Variants in CCND3 observed in about 807,000 individuals in gnomAD.
CCND3 encodes cyclin D3.
A neutral mutation model predicts 28.7 loss-of-function variants in CCND3; 9 were observed. The ratio of observed to expected loss-of-function variants is 0.31; its 90% CI spans 0.19 to 0.55. The LOEUF (loss-of-function observed/expected upper bound fraction) is 0.55. Ranked by LOEUF, CCND3 falls within the 20% of genes least tolerant of loss-of-function variation. CCND3 has a pLI of 0.93. For missense variants in CCND3, 315 were observed against 385.8 expected, an observed-to-expected ratio of 0.82 and a Z score of 1.54; for synonymous variants, 164 against 163.9, an observed-to-expected ratio of 1.00 and a Z score of 0.00.
intron 1 of CCND3, among the ~76,000 whole-genome samples, chr6:42,029,237 C>T (rs181492384): frequency 1.3e-5 from 2 of 152,072 alleles, no homozygotes; most frequent in South Asian, 4.2e-4. Context: ...GAGATCCTCC[C>T]GCCTTTGCCT....
intron 2 of CCND3, chr6:41,937,639 C>T (rs895647525): frequency 1.8e-6 from 1 of 552,306 alleles, no homozygotes; most frequent in African/African-American, 1.9e-5. Context: ...CATGGATTAT[C>T]CCTTTTAATC....
intron 1 of CCND3, among the ~76,000 whole-genome samples, chr6:42,002,005 G>A (rs1763025008): frequency 6.6e-6 from 1 of 151,364 alleles, no homozygotes; most frequent in Non-Finnish European, 1.5e-5. Context: ...ATTCCAGCTA[G>A]TTGGGAGGCT....
intron 1 of CCND3, among the ~76,000 whole-genome samples, chr6:42,042,493 C>T (rs1167786637): frequency 1.3e-5 from 2 of 152,088 alleles, no homozygotes; most frequent in East Asian, 1.9e-4. Flanking sequence ...CCCGAGTAGC[C>T]GGGATTACAG....
intron 1 of CCND3, among the ~76,000 whole-genome samples, chr6:41,993,733 G>A (rs1331170968): frequency 5.3e-5 from 8 of 151,570 alleles, no homozygotes; most frequent in Non-Finnish European, 1.0e-4. Flanking sequence ...GACCAGCCTG[G>A]CCAACATACT....
intron 1 of CCND3, among the ~76,000 whole-genome samples, chr6:42,040,279 A>C (rs1764331557): frequency 6.6e-6 from 1 of 152,070 alleles, no homozygotes; most frequent in African/African-American, 2.4e-5. Context: ...TTAGCTGGGC[A>C]TGGTGGTGGG....
intron 1 of CCND3, among the ~76,000 whole-genome samples, chr6:41,972,089 G>T (rs371088596): frequency 6.6e-6 from 1 of 150,792 alleles, no homozygotes; most frequent in Middle Eastern, 3.2e-3. Flanking sequence ...TTAGCTGGGC[G>T]TGGTGGCGGG....
At chr6:41,968,505 T>C (rs1035012816) in intron 1 of CCND3, among the ~76,000 whole-genome samples, 12 of 152,024 alleles carry the variant, frequency 7.9e-5, no homozygotes, top group Non-Finnish European at 1.5e-4. Context: ...GGCAGGAGGA[T>C]TGTTGAGCCC....
intron 1 of CCND3, among the ~76,000 whole-genome samples, chr6:42,005,754 G>T (rs978535321): frequency 6.6e-6 from 1 of 151,784 alleles, no homozygotes; most frequent in African/African-American, 2.4e-5. Flanking sequence ...CGCAATCTCA[G>T]CTCACTGCAA....
chr6:41,962,717 C>T (rs1222522055), intron 1 of CCND3, among the ~76,000 whole-genome samples: 7 of 152,072 alleles, frequency 4.6e-5, no homozygotes, highest in Non-Finnish European at 8.8e-5. Flanking sequence ...CTACTGCCCG[C>T]CAGCCTGCGT....
intron 1 of CCND3, among the ~76,000 whole-genome samples, chr6:42,029,577 C>A (rs1401509266): frequency 2.0e-5 from 3 of 152,042 alleles, no homozygotes; most frequent in Admixed American, 2.0e-4. Flanking sequence ...GTGGTTCATG[C>A]CTGTAATCCC....
intron 1 of CCND3, among the ~76,000 whole-genome samples, chr6:42,046,647 C>A (rs922993544): frequency 1.3e-5 from 2 of 152,090 alleles, no homozygotes; most frequent in Admixed American, 6.5e-5. Flanking sequence ...CACGCACACA[C>A]GCGCGCGCAC....
At chr6:42,034,622 C>A (rs1764149914) in intron 1 of CCND3, among the ~76,000 whole-genome samples, 1 of 151,688 alleles carries the variant, frequency 6.6e-6, no homozygotes, top group Middle Eastern at 3.2e-3. Context: ...GGACTACAGG[C>A]TCGTGCCACC....
upstream of CCND3, chr6:41,941,895 A>G (rs1276365765): frequency 4.6e-6 from 1 of 218,048 alleles, no homozygotes; most frequent in Non-Finnish European, 9.0e-6. This position sits in a 1 kb window ranked among gnomAD's most constrained non-coding sequence, Gnocchi z 6.1. Context: ...GGCGCCCCGG[A>G]CGGAAAGGGT....
chr6:42,040,861 A>C (rs1764350120), intron 1 of CCND3, among the ~76,000 whole-genome samples: 1 of 150,494 alleles, frequency 6.6e-6, no homozygotes, highest in East Asian at 2.0e-4. Context: ...AAAAACAAAC[A>C]AACAAACAAA....
In CCND3 at chr6:41,935,580, G is replaced by C. The variant is rs962941045; in HGVS notation, c.*360C>G. On this transcript the variant is annotated 3_prime_UTR_variant, in exon 5 of 5. Coordinates refer to ENST00000372991, the MANE Select transcript of CCND3 (RefSeq NM_001760.5). ...GACAACACCTTTAGAAGGCACTAGA[G>C]CATTTTGGCAGTTGAAAACATGAGA... 2 of 465,708 alleles carry C rather than the reference G, an allele frequency of 4.3e-6. No individual in the cohort carries two copies. The highest frequency in any genetic ancestry group is 7.7e-6 in the Non-Finnish European group (2 of 259,726). The allele number at this position is 465,708 out of a possible 1,614,324, so 28.8% of individuals were successfully genotyped here. A position where few individuals can be genotyped will look rare whatever the true frequency, so the allele number is the denominator to read the frequency against.
chr6:42,034,206 G>A (rs1342370907), intron 1 of CCND3, among the ~76,000 whole-genome samples: 1 of 150,422 alleles, frequency 6.6e-6, no homozygotes, highest in African/African-American at 2.5e-5. Flanking sequence ...GGAGTGCAGT[G>A]GTGCGATCTC....
intron 1 of CCND3, among the ~76,000 whole-genome samples, chr6:42,015,403 A>C (rs1413991704): frequency 6.6e-6 from 1 of 152,128 alleles, no homozygotes. Context: ...CTTGCAAAAA[A>C]ATATTTTATT....
Position 41,941,461 on chromosome 6 carries a change from C to T in CCND3, c.189G>A (p.Trp63Ter). ...KPHMRKMLAY[W>*]MLEVCEEQRC... ...CGCGTCCGGGCGGTACCTCCAGCAT[C>T]CAGTAAGCCAGCATCTTCCGCATGT... The change falls in exon 1 of 5, where the codon TGG (tryptophan) becomes TGA (stop). Residue 63 changes from tryptophan (W) to a stop codon, truncating the protein, a stop_gained. Transcript: ENST00000372991. LOFTEE classifies it high-confidence loss of function. This position sits in a 1 kb window ranked among gnomAD's most constrained non-coding sequence, Gnocchi z 6.1. 6.2e-7 allele frequency: 1 copy of T among 1,608,450 alleles called. No homozygotes were observed. Among genetic ancestry groups the T allele is most frequent in the Non-Finnish European group, 8.5e-7 (1 of 1,178,778 alleles).
intron 1 of CCND3, among the ~76,000 whole-genome samples, chr6:42,004,054 T>TTA (rs1229721512): frequency 1.4e-5 from 2 of 146,556 alleles, no homozygotes; most frequent in Admixed American, 6.9e-5. Flanking sequence ...ATCTTAAAAG[T>TTA]TATATATATA....
Sources: allele counts gnomAD v4.1 joint callset (sites outside exome capture counted in the v4.1 genomes callset), GRCh38; gene constraint gnomAD v4.1.1; non-coding constraint Gnocchi (gnomAD v3.1); transcripts MANE v1.5; gene names NCBI Gene and HGNC (gene_info 2026-07-23, HGNC 2026-07-21).